CLDN14: variants seen among roughly 807,000 people sequenced by gnomAD.
CLDN14 encodes the protein claudin-14.
Under a neutral mutation model 2.1 loss-of-function variants are expected in CLDN14, and 2 were observed. That is an observed-to-expected ratio of 0.96 (90% CI 0.39 to 3.01). CLDN14 has a LOEUF of 3.01. Ranked by LOEUF, CLDN14 falls within the 30% of genes most tolerant of loss-of-function variation. The probability of loss-of-function intolerance (pLI) is 0.09; values close to 1 mark genes in which losing one functional copy is unlikely to be tolerated. For missense variants in CLDN14, 298 were observed against 328.0 expected, an observed-to-expected ratio of 0.91 and a Z score of 0.71; for synonymous variants, 136 against 154.4, an observed-to-expected ratio of 0.88 and a Z score of 0.88.
chr21:36,567,164 A>C (rs181575731), intron 1 of CLDN14, among the ~76,000 whole-genome samples: 134 of 152,380 alleles, frequency 8.8e-4, no homozygotes, highest in African/African-American at 3.0e-3. Context: ...GCTTGGAGGC[A>C]GAAGCCTACC....
intron 1 of CLDN14, among the ~76,000 whole-genome samples, chr21:36,514,857 A>T (rs1469126473): frequency 6.6e-6 from 1 of 152,008 alleles, no homozygotes; most frequent in Admixed American, 6.6e-5. Flanking sequence ...CTTGGAATGA[A>T]GTCAAGGAAG....
At chr21:36,469,211 G>C (rs1042027787) in intron 1 of CLDN14, among the ~76,000 whole-genome samples, 1 of 152,170 alleles carries the variant, frequency 6.6e-6, no homozygotes, top group African/African-American at 2.4e-5. Context: ...ATGAGAAAGC[G>C]ATCAAGCAAT....
intron 2 of CLDN14, among the ~76,000 whole-genome samples, chr21:36,492,800 C>T (rs1305075216): frequency 6.6e-6 from 1 of 152,198 alleles, no homozygotes; most frequent in Non-Finnish European, 1.5e-5. Context: ...GACCTGGAGC[C>T]ACCAGGACCT....
intron 2 of CLDN14, among the ~76,000 whole-genome samples, chr21:36,507,637 A>C (rs1001137700): frequency 6.6e-6 from 1 of 152,154 alleles, no homozygotes; most frequent in Non-Finnish European, 1.5e-5. Context: ...GGTGGCACGC[A>C]CGTGTAATCC....
At chr21:36,521,543 A>C (rs1473673857) in intron 1 of CLDN14, among the ~76,000 whole-genome samples, 4 of 152,194 alleles carry the variant, frequency 2.6e-5, no homozygotes, top group South Asian at 4.1e-4. Context: ...TTTTCACAAC[A>C]TTCCAGGAAA....
chr21:36,468,747 TTTTCTTTCTTTC>T (rs749433177), intron 1 of CLDN14, among the ~76,000 whole-genome samples: 3 of 150,696 alleles, frequency 2.0e-5, no homozygotes, highest in Non-Finnish European at 4.4e-5. Context: ...ACTTTTTTCT[TTTTCTTTCTTTC>T]TTTCTTTCTT....
chr21:36,562,294 A>G (rs760128739), intron 1 of CLDN14, among the ~76,000 whole-genome samples: 1 of 152,000 alleles, frequency 6.6e-6, no homozygotes, highest in Non-Finnish European at 1.5e-5. Context: ...TGCATCTCAG[A>G]CCCTCTTTGG....
intron 1 of CLDN14, chr21:36,532,423 A>C (rs950391723): frequency 8.6e-5 from 13 of 151,794 alleles, no homozygotes; most frequent in African/African-American, 2.9e-4. Context: ...CTTCCAGGGA[A>C]CATCACACAC....
Position 36,498,004 on chromosome 21 carries a change from CTT to C in CLDN14, c.-82+12357_-82+12358del, listed in dbSNP as rs891407982. 1.4e-5 allele frequency among the ~76,000 whole-genome samples: 2 copies of C among 143,216 alleles called. No individual in the cohort carries two copies. The highest frequency in any genetic ancestry group is 1.5e-5 in the Non-Finnish European group (1 of 65,278). 94.0% of individuals were successfully genotyped at this position (143,216 alleles called of 152,430 possible). A position where few individuals can be genotyped will look rare whatever the true frequency, so the allele number is the denominator to read the frequency against. ...CACTGTTGTCAGCGAGAGGAAGATG[CTT>C]TTTTTTTTTTTGAGATGGAGTTTTG... On this transcript the variant is annotated intron_variant, in intron 2 of 2. Transcript: ENST00000342108. This position sits in a 1 kb window ranked among gnomAD's most constrained non-coding sequence, Gnocchi z 4.9.
intron 2 of CLDN14, among the ~76,000 whole-genome samples, chr21:36,489,758 G>A (rs1018546687): frequency 2.6e-5 from 4 of 152,196 alleles, no homozygotes; most frequent in African/African-American, 4.8e-5. Flanking sequence ...CAATGACCGC[G>A]AGGGAGCTGT....
intron 1 of CLDN14, among the ~76,000 whole-genome samples, chr21:36,548,116 G>T (rs189610449): frequency 2.0e-5 from 3 of 151,986 alleles, no homozygotes; most frequent in African/African-American, 7.2e-5. Flanking sequence ...TGCAGATGCC[G>T]TTCCTTCCAC....
At chr21:36,545,059 G>A (rs2087517703) in intron 1 of CLDN14, among the ~76,000 whole-genome samples, 1 of 152,180 alleles carries the variant, frequency 6.6e-6, no homozygotes, top group South Asian at 2.1e-4. Flanking sequence ...TACCAATGCA[G>A]GTGGCCATAG....
intron 1 of CLDN14, among the ~76,000 whole-genome samples, chr21:36,467,312 C>A (rs2086658582): frequency 6.6e-6 from 1 of 152,224 alleles, no homozygotes; most frequent in Non-Finnish European, 1.5e-5. Context: ...AATTAATCAT[C>A]ATTTCAACAG....
At chr21:36,514,535 ATATCT>A (rs1374875987) in intron 1 of CLDN14, among the ~76,000 whole-genome samples, 1 of 152,138 alleles carries the variant, frequency 6.6e-6, no homozygotes, top group East Asian at 1.9e-4. Flanking sequence ...TTGATTTAAA[ATATCT>A]TAAACTGGGA....
chr21:36,475,515 G>A (rs997100231), intron 1 of CLDN14, among the ~76,000 whole-genome samples: 5 of 152,150 alleles, frequency 3.3e-5, no homozygotes, highest in African/African-American at 7.2e-5. Context: ...TCCCCCACCC[G>A]GTGATTCTGA....
chr21:36,565,949 T>C (rs185956267), intron 1 of CLDN14, among the ~76,000 whole-genome samples: 1 of 152,356 alleles, frequency 6.6e-6, no homozygotes, highest in Admixed American at 6.5e-5. Context: ...TTTCTATAAA[T>C]CTTTTGTCCT....
chr21:36,531,470 G>C (rs1032106524), intron 1 of CLDN14, among the ~76,000 whole-genome samples: 6 of 151,708 alleles, frequency 4.0e-5, no homozygotes, highest in Admixed American at 3.9e-4. Flanking sequence ...TCACCCTGTT[G>C]GCCAGGCTGG....
At chr21:36,493,327 G>A (rs1234239769) in intron 2 of CLDN14, among the ~76,000 whole-genome samples, 1 of 152,096 alleles carries the variant, frequency 6.6e-6, no homozygotes, top group African/African-American at 2.4e-5. Flanking sequence ...GCCTTCCCTG[G>A]GAGGCAGGGC....
intron 1 of CLDN14, among the ~76,000 whole-genome samples, chr21:36,534,165 G>C (rs193059199): frequency 6.6e-6 from 1 of 151,942 alleles, no homozygotes; most frequent in Non-Finnish European, 1.5e-5. Flanking sequence ...GCAATGGCGC[G>C]ATCTCAGCTC....
Sources: gnomAD v4.1 joint callset for allele counts (sites outside exome capture counted in the v4.1 genomes callset) on GRCh38, gnomAD v4.1.1 for gene constraint, Gnocchi (gnomAD v3.1) non-coding constraint, MANE v1.5 for transcripts, NCBI Gene and HGNC (gene_info 2026-07-23, HGNC 2026-07-21) for gene names.